Variants in PCCA observed in about 807,000 individuals in gnomAD.
The protein encoded by PCCA is propionyl-CoA carboxylase subunit alpha.
A neutral mutation model predicts 101.3 loss-of-function variants in PCCA; 74 were observed. The observed-to-expected ratio is 0.73, with a 90% CI of 0.61 to 0.89. The LOEUF is 0.89. Among genes scored for constraint, PCCA ranks in the 40% least tolerant of loss-of-function variants. The probability of loss-of-function intolerance (pLI) is 0.00; values close to 1 mark genes in which losing one functional copy is unlikely to be tolerated. For synonymous variants in PCCA, 294 were observed against 313.6 expected (o/e 0.94, Z 0.66); for missense variants, 891 against 907.0 (o/e 0.98, Z 0.23).
chr13:100,458,799 G>A (rs191430118), intron 21 of PCCA, among the ~76,000 whole-genome samples: 2 of 152,062 alleles, frequency 1.3e-5, no homozygotes, highest in East Asian at 3.9e-4. Context: ...AAGTACTCAG[G>A]ACACCACATT....
At chr13:100,423,606 T>C (rs905115539) in intron 19 of PCCA, among the ~76,000 whole-genome samples, 4 of 152,112 alleles carry the variant, frequency 2.6e-5, no homozygotes, top group Non-Finnish European at 5.9e-5. Flanking sequence ...TCATGACTCA[T>C]TGTGTAGATG....
chr13:100,471,993 G>A (rs1482002454), intron 21 of PCCA, among the ~76,000 whole-genome samples: 1 of 152,152 alleles, frequency 6.6e-6, no homozygotes, highest in African/African-American at 2.4e-5. Flanking sequence ...AGTGAGTGGA[G>A]TAGAATGCAC....
chr13:100,296,082 G>C (rs144702047), intron 12 of PCCA, among the ~76,000 whole-genome samples: 1 of 152,110 alleles, frequency 6.6e-6, no homozygotes, highest in East Asian at 1.9e-4. Flanking sequence ...GAAACATATC[G>C]CACAAACTAT....
chr13:100,297,605 G>A (rs954124149), intron 12 of PCCA, among the ~76,000 whole-genome samples: 24 of 152,126 alleles, frequency 1.6e-4, no homozygotes, highest in African/African-American at 5.6e-4. Context: ...TATTAGACAC[G>A]ATGCTAATAG....
chr13:100,361,882 A>AT (rs1368820143), intron 18 of PCCA, among the ~76,000 whole-genome samples: 3 of 152,124 alleles, frequency 2.0e-5, no homozygotes, highest in South Asian at 2.1e-4. Flanking sequence ...TACTCCCTAG[A>AT]TTTTTTACCC....
intron 12 of PCCA, among the ~76,000 whole-genome samples, chr13:100,288,732 TTTCTTTCC>T (rs1170331345): frequency 6.6e-6 from 1 of 152,176 alleles, no homozygotes; most frequent in East Asian, 1.9e-4. Context: ...CACCTTTGCA[TTTCTTTCC>T]TTCTTTCCTT....
intron 4 of PCCA, among the ~76,000 whole-genome samples, chr13:100,118,068 A>G (rs183318460): frequency 6.6e-6 from 1 of 150,916 alleles, no homozygotes; most frequent in Admixed American, 6.6e-5. Context: ...GTGAGCTGAG[A>G]TCGTGCCACT....
At chr13:100,417,804 A>T (rs1298169) in intron 19 of PCCA, among the ~76,000 whole-genome samples, 6,166 of 152,006 alleles carry the variant, frequency 0.041, 397 homozygotes, top group African/African-American at 0.13. Flanking sequence ...ACTTACCCTA[A>T]CTAAAACCTT....
chr13:100,323,678 G>A (rs566715210), intron 16 of PCCA, among the ~76,000 whole-genome samples: 1 of 152,244 alleles, frequency 6.6e-6, no homozygotes, highest in Admixed American at 6.5e-5. Context: ...TGAAGCTTAG[G>A]ATGCAGGAAA....
intron 18 of PCCA, among the ~76,000 whole-genome samples, chr13:100,343,057 G>A (rs188728641): frequency 1.5e-3 from 228 of 152,274 alleles, no homozygotes; most frequent in African/African-American, 5.0e-3. Context: ...TAGCGGGGGC[G>A]TGGTGGCGGG....
At position 100,470,254 on chromosome 13, in the gene PCCA, T is replaced by TG. The variant is rs1458040184; in HGVS notation, c.1899+20952dup. Among the ~76,000 whole-genome samples, 6 of 141,908 alleles carry TG rather than the reference T, an allele frequency of 4.2e-5. No individual in the cohort carries two copies. The East Asian group carries it at 8.2e-4, about 19-fold the overall frequency. The allele number at this position is 141,908 out of a possible 152,430, so 93.1% of individuals were successfully genotyped here. ...ATCAGTGAAGTGGAAGCGTGTGTTT[T>TG]GGGTTTTTTTGGGGAATTTTTATCA... is the stretch of plus-strand genomic sequence containing the variant. On this transcript the variant is annotated intron_variant, in intron 21 of 23. Coordinates refer to ENST00000376285, the MANE Select transcript of PCCA (RefSeq NM_000282.4).
intron 19 of PCCA, among the ~76,000 whole-genome samples, chr13:100,412,573 A>C (rs543172696): frequency 1.3e-5 from 2 of 152,364 alleles, no homozygotes; most frequent in East Asian, 3.9e-4. Context: ...TTAACAGTTA[A>C]AAGTAAGGTC....
rs186415864 is a variant in PCCA at position 100,416,907 on chromosome 13, G to A, written c.1747-8726G>A. ...TGTCCAGGCTGCAGTGCAATGGCGC[G>A]ATCTCGGCTCACTGCAACCTCTGCC... On this transcript the variant is annotated intron_variant, in intron 19 of 23. Coordinates refer to ENST00000376285, the MANE Select transcript of PCCA (RefSeq NM_000282.4). Among the ~76,000 whole-genome samples, 232 of 152,128 alleles carry A rather than the reference G, an allele frequency of 1.5e-3. 2 individuals carry two copies. The highest frequency in any genetic ancestry group is 5.3e-3 in the African/African-American group (221 of 41,510).
chr13:100,328,371 TATAATAATAATAATA>T (rs58866207), intron 16 of PCCA, among the ~76,000 whole-genome samples: 9 of 141,882 alleles, frequency 6.3e-5, no homozygotes, highest in African/African-American at 1.3e-4. Context: ...TCAAAAAATA[TATAATAATAATAATA>T]ATAATAATAA....
rs751840442 is a variant in PCCA, at chr13:100,257,602, T to A, written c.645T>A (p.Pro215=). 18 of 1,612,924 alleles carry A rather than the reference T, an allele frequency of 1.1e-5. No homozygotes were observed. Among genetic ancestry groups the A allele is most frequent in the Non-Finnish European group, 1.5e-5 (18 of 1,179,208 alleles). ...AVRIAREIGY[P]VMIKASAGGG... ...ATTCTTCCCTGCTGTTAGGCTACCCTGTCATGATCAAGGCCTCAGCAGGTG... is the reference window on the plus strand; with the variant it reads ...ATTCTTCCCTGCTGTTAGGCTACCCAGTCATGATCAAGGCCTCAGCAGGTG... Residue 215 remains proline (P), a synonymous_variant, in exon 9 of 24, where the codon CCT becomes CCA. Transcript: ENST00000376285.
At chr13:100,493,591 A>G (rs752608924) in intron 21 of PCCA, among the ~76,000 whole-genome samples, 8 of 152,184 alleles carry the variant, frequency 5.3e-5, no homozygotes, top group Non-Finnish European at 1.2e-4. Context: ...AAACCCCCAC[A>G]GAGTCTTGAG....
chr13:100,438,243 C>T (rs990038198), intron 20 of PCCA, among the ~76,000 whole-genome samples: 1 of 151,962 alleles, frequency 6.6e-6, no homozygotes, highest in African/African-American at 2.4e-5. Context: ...CAGCCTCAAC[C>T]TCCCAGACTC....
chr13:100,489,149 CA>C (rs71114700), intron 21 of PCCA, among the ~76,000 whole-genome samples: 2 of 150,996 alleles, frequency 1.3e-5, no homozygotes, highest in African/African-American at 4.9e-5. Flanking sequence ...ACTAAAAATA[CA>C]AAAAAAAATT....
chr13:100,111,948 T>G, intron 3 of PCCA, 45 bp from the exon 4 acceptor site: 1 of 1,571,606 alleles, frequency 6.4e-7, no homozygotes, highest in Non-Finnish European at 8.8e-7. Context: ...TAAACCCCTT[T>G]AAGTGTGAAT....
Sources: allele counts gnomAD v4.1 joint callset (sites outside exome capture counted in the v4.1 genomes callset), GRCh38; gene constraint gnomAD v4.1.1; transcripts MANE v1.5; gene names NCBI Gene and HGNC (gene_info 2026-07-23, HGNC 2026-07-21).